Variants in LUZP2 observed in about 807,000 individuals in gnomAD.
LUZP2 encodes the protein leucine zipper protein 2.
A neutral mutation model predicts 51.6 loss-of-function variants in LUZP2; 52 were observed. The ratio of observed to expected loss-of-function variants is 1.01; its 90% confidence interval spans 0.81 to 1.27. The LOEUF (loss-of-function observed/expected upper bound fraction) is 1.27, where lower values mean the gene tolerates loss of function less well. LUZP2 is among the 50% of genes most tolerant of loss of function. The pLI, the probability that LUZP2 is intolerant of heterozygous loss-of-function variation, is 0.00. For missense variants in LUZP2, 436 were observed against 395.4 expected (o/e 1.10, Z -0.87); for synonymous variants, 154 against 137.3 (o/e 1.12, Z -0.85).
intron 5 of LUZP2, among the ~76,000 whole-genome samples, chr11:24,830,954 A>G (rs1334580363): frequency 1.3e-5 from 2 of 152,272 alleles, no homozygotes; most frequent in African/African-American, 4.8e-5. Flanking sequence ...AGATCCTGCC[A>G]CTGCACTCCA....
At chr11:24,862,038 G>T (rs910877651) in intron 5 of LUZP2, among the ~76,000 whole-genome samples, 1 of 152,026 alleles carries the variant, frequency 6.6e-6, no homozygotes, top group Non-Finnish European at 1.5e-5. Flanking sequence ...CTTTCAGAAG[G>T]CCTGCTCTTT....
intron 1 of LUZP2, among the ~76,000 whole-genome samples, chr11:24,584,376 CT>C (rs1852985123): frequency 6.6e-6 from 1 of 152,130 alleles, no homozygotes. Context: ...GGAAGTTGTT[CT>C]TTTTATTTAA....
intron 1 of LUZP2, among the ~76,000 whole-genome samples, chr11:24,507,839 C>T (rs1337692717): frequency 6.6e-6 from 1 of 151,888 alleles, no homozygotes; most frequent in Non-Finnish European, 1.5e-5. Context: ...GTTGGTTTTG[C>T]ATGATGTTAA....
chr11:24,762,409 C>A (rs1860014724), intron 4 of LUZP2, among the ~76,000 whole-genome samples: 1 of 152,046 alleles, frequency 6.6e-6, no homozygotes, highest in Non-Finnish European at 1.5e-5. Flanking sequence ...CATGAATAAT[C>A]CATGTCCAAA....
chr11:24,572,960 A>C (rs1219139660), intron 1 of LUZP2, among the ~76,000 whole-genome samples: 1 of 152,082 alleles, frequency 6.6e-6, no homozygotes, highest in East Asian at 1.9e-4. Context: ...GATATCACGT[A>C]CAATTTTTAT....
chr11:24,633,834 A>G (rs1022711180), intron 1 of LUZP2, among the ~76,000 whole-genome samples: 1 of 151,938 alleles, frequency 6.6e-6, no homozygotes, highest in Non-Finnish European at 1.5e-5. Flanking sequence ...TTAACTTTCT[A>G]TAAAAGATAT....
At chr11:24,818,777 T>G (rs1850266521) in intron 5 of LUZP2, among the ~76,000 whole-genome samples, 1 of 152,062 alleles carries the variant, frequency 6.6e-6, no homozygotes, top group Non-Finnish European at 1.5e-5. Flanking sequence ...GACCCCTTAC[T>G]TGGCTTGATC....
intron 5 of LUZP2, among the ~76,000 whole-genome samples, chr11:24,769,878 C>T (rs573288782): frequency 5.9e-5 from 9 of 151,628 alleles, no homozygotes; most frequent in South Asian, 4.2e-4. Context: ...CTGCAACCTC[C>T]GCCTCCCGGG....
intron 4 of LUZP2, among the ~76,000 whole-genome samples, chr11:24,741,975 TTTATATA>T (rs1859186034): frequency 1.0e-5 from 1 of 95,284 alleles, no homozygotes; most frequent in South Asian, 3.0e-4. Context: ...AATATATACA[TTTATATA>T]TTATATATAA....
At chr11:24,873,221 G>A (rs1852138733) in intron 5 of LUZP2, among the ~76,000 whole-genome samples, 1 of 152,188 alleles carries the variant, frequency 6.6e-6, no homozygotes. Context: ...CAAGTTGTAA[G>A]TCTTGCAGAA....
At chr11:24,704,210 C>T in intron 1 of LUZP2, among the ~76,000 whole-genome samples, 1 of 152,050 alleles carries the variant, frequency 6.6e-6, no homozygotes, top group Non-Finnish European at 1.5e-5. Context: ...AGGGACAACA[C>T]AGGAAGCAAA....
intron 1 of LUZP2, among the ~76,000 whole-genome samples, chr11:24,550,659 G>A (rs1851698691): frequency 6.6e-6 from 1 of 151,962 alleles, no homozygotes; most frequent in Non-Finnish European, 1.5e-5. Context: ...ATCTATTTTT[G>A]TCTTTTGGAA....
chr11:24,814,405 C>A (rs1850111454), intron 5 of LUZP2, among the ~76,000 whole-genome samples: 1 of 152,126 alleles, frequency 6.6e-6, no homozygotes. Flanking sequence ...AAAGAGAAGT[C>A]TTCATCTTTA....
At chr11:24,741,415 A>G (rs528089379) in intron 4 of LUZP2, among the ~76,000 whole-genome samples, 3 of 151,648 alleles carry the variant, frequency 2.0e-5, no homozygotes, top group African/African-American at 7.2e-5. Flanking sequence ...ATTCCTGTTA[A>G]TTTCTTTTTT....
chr11:24,739,748 C>T (rs985233055), intron 4 of LUZP2, among the ~76,000 whole-genome samples: 4 of 152,094 alleles, frequency 2.6e-5, no homozygotes, highest in African/African-American at 9.7e-5. Context: ...TCATCTGCAA[C>T]AGCTGATTTC....
intron 1 of LUZP2, among the ~76,000 whole-genome samples, chr11:24,705,949 G>A (rs1326923615): frequency 1.4e-5 from 2 of 141,688 alleles, no homozygotes; most frequent in Admixed American, 7.0e-5. Context: ...AAAAAAAAAG[G>A]TGTGTCTGAA....
intron 10 of LUZP2, among the ~76,000 whole-genome samples, chr11:25,056,056 T>G (rs1004974031): frequency 2.6e-5 from 4 of 152,102 alleles, no homozygotes; most frequent in Non-Finnish European, 5.9e-5. Flanking sequence ...AATTAATTTA[T>G]CAAATGAAAA....
At chr11:24,930,420 C>T (rs946897543) in intron 7 of LUZP2, among the ~76,000 whole-genome samples, 1 of 152,122 alleles carries the variant, frequency 6.6e-6, no homozygotes, top group Non-Finnish European at 1.5e-5. Flanking sequence ...ATAGCGCTGG[C>T]TTAGCATTGG....
chr11:24,998,181 A>G (rs1195265283), intron 9 of LUZP2, among the ~76,000 whole-genome samples: 1 of 152,046 alleles, frequency 6.6e-6, no homozygotes, highest in Non-Finnish European at 1.5e-5. Context: ...CTTGATGGGG[A>G]TGGCATTGAA....
Sources: allele counts gnomAD v4.1 joint callset (sites outside exome capture counted in the v4.1 genomes callset), GRCh38; gene constraint gnomAD v4.1.1; transcripts MANE v1.5; gene names NCBI Gene and HGNC (gene_info 2026-07-23, HGNC 2026-07-21).